Variants in ZNF532 observed in about 807,000 individuals in gnomAD.
The protein encoded by ZNF532 is zinc finger protein 532.
A neutral mutation model predicts 89.3 loss-of-function variants in ZNF532; 22 were observed. The ratio of observed to expected loss-of-function variants is 0.25; its 90% CI spans 0.18 to 0.35. The LOEUF is 0.35. Ranked by LOEUF, ZNF532 falls within the 10% of genes least tolerant of loss-of-function variation. The pLI is 1.00. For synonymous variants in ZNF532, 606 were observed against 649.6 expected (o/e 0.93, Z 1.02); for missense variants, 1,132 against 1,643.4 (o/e 0.69, Z 5.38).
At chr18:58,879,810 G>T (rs62093548) in intron 2 of ZNF532, among the ~76,000 whole-genome samples, 1 of 152,038 alleles carries the variant, frequency 6.6e-6, no homozygotes, top group Admixed American at 6.6e-5. Flanking sequence ...TCCGTCTTTC[G>T]TCTGTTCTCC....
chr18:58,874,658 A>G (rs1442730119), intron 2 of ZNF532, among the ~76,000 whole-genome samples: 2 of 152,132 alleles, frequency 1.3e-5, no homozygotes, highest in African/African-American at 4.8e-5. Flanking sequence ...TGTATTTGTA[A>G]TCTAGTACTT....
chr18:58,870,573 A>C (rs1448253412), intron 2 of ZNF532, among the ~76,000 whole-genome samples: 1 of 152,130 alleles, frequency 6.6e-6, no homozygotes, highest in Non-Finnish European at 1.5e-5. Context: ...GTGTAGGCAG[A>C]AAAGACGGAC....
At chr18:58,939,311 A>AC (rs1389193329) in intron 4 of ZNF532, 134 bp from the exon 5 acceptor site, 41 of 576,402 alleles carry the variant, frequency 7.1e-5, no homozygotes, top group Non-Finnish European at 9.7e-5. Flanking sequence ...AATAGGAAAA[A>AC]AACTAAAATA....
At chr18:58,941,756 C>T (rs2063053726) in intron 5 of ZNF532, among the ~76,000 whole-genome samples, 1 of 151,790 alleles carries the variant, frequency 6.6e-6, no homozygotes, top group Non-Finnish European at 1.5e-5. Context: ...GCACCCAGCC[C>T]CAGTATTTTC....
intron 2 of ZNF532, among the ~76,000 whole-genome samples, chr18:58,910,212 A>G (rs557524359): frequency 1.3e-5 from 2 of 152,340 alleles, no homozygotes; most frequent in East Asian, 3.9e-4. Context: ...GTACAATACT[A>G]CTAACTAGAT....
chr18:58,948,334 G>A, intron 6 of ZNF532, 105 bp downstream of exon 6: 1 of 1,176,956 alleles, frequency 8.5e-7, no homozygotes, highest in Non-Finnish European at 1.2e-6. Context: ...TCACTGTCGA[G>A]GGAAGGGATG....
intron 2 of ZNF532, among the ~76,000 whole-genome samples, chr18:58,874,963 G>A (rs2057310514): frequency 6.6e-6 from 1 of 152,068 alleles, no homozygotes; most frequent in South Asian, 2.1e-4. Context: ...CTGTTCAGTA[G>A]TGTGGTAGCC....
At position 58,984,868 on chromosome 18, in the gene ZNF532, GC is replaced by G. The variant is rs1381834684; in HGVS notation, c.*403del. 6.2e-6 allele frequency: 1 copy of G among 161,332 alleles called. No homozygotes were observed. Among genetic ancestry groups the G allele is most frequent in the Non-Finnish European group, 1.4e-5 (1 of 72,980 alleles). 10.0% of individuals were successfully genotyped at this position (161,332 alleles called of 1,614,324 possible). A position where few individuals can be genotyped will look rare whatever the true frequency, so the allele number is the denominator to read the frequency against. On this transcript the variant is annotated 3_prime_UTR_variant, in exon 10 of 10. Coordinates refer to ENST00000591808, the MANE Select transcript of ZNF532 (RefSeq NM_001375912.1). ...TTTTGAATGGGTTAACTAATTACAG[GC>G]TAAAATAATGCCTTTTTTAGTGTTT... is the stretch of plus-strand genomic sequence containing the variant.
intron 3 of ZNF532, among the ~76,000 whole-genome samples, chr18:58,929,344 T>TA (rs2061767938): frequency 1.3e-5 from 2 of 152,312 alleles, no homozygotes; most frequent in East Asian, 3.9e-4. Flanking sequence ...TGGGCATCGT[T>TA]AATACAACAT....
chr18:58,893,168 G>A (rs1235186992), intron 2 of ZNF532, among the ~76,000 whole-genome samples: 4 of 152,022 alleles, frequency 2.6e-5, no homozygotes, highest in Non-Finnish European at 5.9e-5. Context: ...TAGCAGAGGC[G>A]GGGTTTCATG....
chr18:58,894,463 A>G (rs12966899), intron 2 of ZNF532, among the ~76,000 whole-genome samples: 29,295 of 139,374 alleles, frequency 0.21, 3,967 homozygotes, highest in Middle Eastern at 0.37. Context: ...GCGAGACTCC[A>G]TCTCAAAAAA....
At chr18:58,948,270 TC>T (rs763998438) in intron 6 of ZNF532, 41 bp downstream of exon 6, 1 of 1,557,166 alleles carries the variant, frequency 6.4e-7, no homozygotes, top group Non-Finnish European at 8.7e-7. Context: ...GAATTGCAGA[TC>T]CATTCATTGG....
intron 7 of ZNF532, among the ~76,000 whole-genome samples, chr18:58,975,075 T>G (rs769465315): frequency 1.3e-5 from 2 of 152,202 alleles, no homozygotes; most frequent in Non-Finnish European, 2.9e-5. Context: ...CTTCATAGAA[T>G]AGATTGCCCA....
chr18:58,983,072 A>G (rs1419943146), intron 9 of ZNF532, among the ~76,000 whole-genome samples: 1 of 152,216 alleles, frequency 6.6e-6, no homozygotes, highest in South Asian at 2.1e-4. Flanking sequence ...AGATCATGCC[A>G]TTGCACTCCA....
intron 7 of ZNF532, among the ~76,000 whole-genome samples, chr18:58,975,374 G>A (rs1412553946): frequency 2.0e-5 from 3 of 152,144 alleles, no homozygotes; most frequent in Non-Finnish European, 2.9e-5. Flanking sequence ...GCCAGATCTG[G>A]GTATGAAGTT....
chr18:58,968,188 G>C (rs1180641219), intron 7 of ZNF532, among the ~76,000 whole-genome samples: 6 of 152,208 alleles, frequency 3.9e-5, no homozygotes, highest in Admixed American at 2.0e-4. Context: ...GGGCCCAGAA[G>C]GTAGAGGCTC....
At position 58,920,106 on chromosome 18, in the gene ZNF532, G is replaced by T; in HGVS notation, c.1819G>T (p.Ala607Ser). ...YIPNLSPPANAGITLPTRGYK... is the reference protein window; with the variant it reads ...YIPNLSPPANSGITLPTRGYK... ...CCCAAACCTCAGTCCTCCCGCCAAT[G>T]CAGGGATCACGTTACCGACGCGTGG... Residue 607 changes from alanine to serine, a missense_variant, in exon 3 of 10, where the codon GCA becomes TCA. By Grantham distance (99) the Ala-to-Ser change is moderately conservative. Transcript: ENST00000591808. The T allele has an allele frequency of 6.2e-7, 1 of 1,613,926 alleles. No homozygotes were observed. The highest frequency in any genetic ancestry group is 8.5e-7 in the Non-Finnish European group (1 of 1,179,862).
intron 9 of ZNF532, among the ~76,000 whole-genome samples, chr18:58,983,044 C>T (rs760213399): frequency 1.4e-4 from 21 of 152,058 alleles, no homozygotes; most frequent in African/African-American, 2.9e-4. Context: ...CCCGGGAGGC[C>T]GAGGCTGTAG....
At chr18:58,903,767 A>G (rs1185460942) in intron 2 of ZNF532, among the ~76,000 whole-genome samples, 1 of 152,230 alleles carries the variant, frequency 6.6e-6, no homozygotes, top group Non-Finnish European at 1.5e-5. Context: ...CTTGAACTAG[A>G]TATCTCAAGA....
Sources: allele counts gnomAD v4.1 joint callset (sites outside exome capture counted in the v4.1 genomes callset), GRCh38; gene constraint gnomAD v4.1.1; transcripts MANE v1.5; gene names NCBI Gene and HGNC (gene_info 2026-07-23, HGNC 2026-07-21).